The following PTPRG variants were observed in gnomAD, a reference collection of about 807,000 sequenced individuals.
PTPRG encodes receptor-type tyrosine-protein phosphatase gamma.
Under a neutral mutation model 165.3 loss-of-function variants are expected in PTPRG, and 102 were observed. That is an observed-to-expected ratio of 0.62 (90% confidence interval 0.53 to 0.73). The LOEUF is 0.73. PTPRG is among the 30% of genes least tolerant of loss of function. PTPRG has a pLI of 0.00. For synonymous variants in PTPRG, 675 were observed against 669.5 expected, an observed-to-expected ratio of 1.01 and a Z score of -0.13; for missense variants, 1,866 against 1,861.4, an observed-to-expected ratio of 1.00 and a Z score of -0.05.
intron 7 of PTPRG, among the ~76,000 whole-genome samples, chr3:62,157,461 G>T (rs1202175299): frequency 2.0e-5 from 3 of 152,174 alleles, no homozygotes; most frequent in Non-Finnish European, 4.4e-5. Flanking sequence ...CATGAAATCT[G>T]AGTATTGTTT....
rs542306888 is a variant in PTPRG, at chr3:62,069,684, T to TCTCTCTCTCACATACA, written c.520-8478_520-8477insTCTCTCTCACATACAC. ...CTCTCTCTCTCTCTCTCTCTCTCTCTCACACACAGACACACGCACACACAC... is the reference window on the plus strand; with the variant it reads ...CTCTCTCTCTCTCTCTCTCTCTCTCTCTCTCTCTCACATACACACACACAGACACACGCACACACAC... On this transcript the variant is annotated intron_variant, in intron 4 of 29. Coordinates refer to ENST00000474889, the MANE Select transcript of PTPRG (RefSeq NM_002841.4). Among the ~76,000 whole-genome samples, 63 of 145,060 alleles carry TCTCTCTCTCACATACA rather than the reference T, an allele frequency of 4.3e-4. 1 individual carries two copies. In the East Asian group the frequency reaches 0.012, roughly 27 times the overall value.
At chr3:61,666,151 A>C (rs1702807636) in intron 1 of PTPRG, among the ~76,000 whole-genome samples, 1 of 152,146 alleles carries the variant, frequency 6.6e-6, no homozygotes, top group South Asian at 2.1e-4. Flanking sequence ...GAGTGTAATA[A>C]ACTCCCAGAT....
intron 2 of PTPRG, chr3:61,749,627 T>A (rs2033352924): frequency 6.4e-6 from 1 of 155,048 alleles, no homozygotes; most frequent in South Asian, 2.0e-4. Flanking sequence ...GGATAGACTT[T>A]TCTGGATTAG....
intron 1 of PTPRG, among the ~76,000 whole-genome samples, chr3:61,670,685 A>T (rs558979074): frequency 1.1e-4 from 16 of 152,192 alleles, no homozygotes; most frequent in African/African-American, 3.9e-4. Flanking sequence ...AATCTCTCGC[A>T]GTCCCCCGGC....
intron 6 of PTPRG, among the ~76,000 whole-genome samples, chr3:62,143,554 CT>C (rs372744091): frequency 0.071 from 9,825 of 138,490 alleles, 826 homozygotes; most frequent in African/African-American, 0.21. Context: ...CATGAAGAAT[CT>C]TTTTTTTTTT....
chr3:61,940,773 C>T (rs1030971140), intron 2 of PTPRG, among the ~76,000 whole-genome samples: 13 of 152,036 alleles, frequency 8.6e-5, no homozygotes, highest in South Asian at 2.1e-4. Context: ...ATGCCATTCT[C>T]CTGCCTCAGC....
chr3:62,219,834 T>C lies in PTPRG; in HGVS notation c.2288+851T>C, dbSNP rs1700607500. ...AGTGAGTAAAACAGATAAGAATCCT[T>C]ACTGTCATGGAGCTTACAGTTTAGT... On this transcript the variant is annotated intron_variant, in intron 13 of 29. Transcript: ENST00000474889. The surrounding 1 kb of genome is among the most constrained non-coding windows in gnomAD (Gnocchi z 4.5). 6.6e-6 allele frequency among the ~76,000 whole-genome samples: 1 copy of C among 152,248 alleles called. No homozygotes were observed. The highest frequency in any genetic ancestry group is 1.5e-5 in the Non-Finnish European group (1 of 68,046).
intron 3 of PTPRG, among the ~76,000 whole-genome samples, chr3:61,993,186 C>G (rs531709991): frequency 6.6e-6 from 1 of 150,398 alleles, no homozygotes; most frequent in African/African-American, 2.4e-5. Flanking sequence ...TGTCACTGTA[C>G]TATAGTTTTT....
In PTPRG at chr3:62,224,978, G is replaced by A. The variant is rs1700727716; in HGVS notation, c.2288+5995G>A. ...TTTGGACAAGGGGCAGGGTTGTGAG[G>A]CAGATAATAAAAATAAAATCAACTA... is the stretch of plus-strand genomic sequence containing the variant. On this transcript the variant is annotated intron_variant, in intron 13 of 29. Transcript: ENST00000474889. This position sits in a 1 kb window ranked among gnomAD's most constrained non-coding sequence, Gnocchi z 4.9. Among the ~76,000 whole-genome samples, 1 of 152,156 alleles carries A rather than the reference G, an allele frequency of 6.6e-6. No individual in the cohort carries two copies.
At chr3:61,847,278 A>G (rs1159918933) in intron 2 of PTPRG, among the ~76,000 whole-genome samples, 1 of 152,142 alleles carries the variant, frequency 6.6e-6, no homozygotes, top group African/African-American at 2.4e-5. Flanking sequence ...TAAGGCATGG[A>G]TCAGGGCAAG....
intron 4 of PTPRG, among the ~76,000 whole-genome samples, chr3:62,026,818 G>A (rs1218306688): frequency 2.8e-5 from 4 of 144,256 alleles, no homozygotes; most frequent in South Asian, 2.2e-4. Flanking sequence ...CCCGGGAGGT[G>A]GAGGTTGCAG....
chr3:61,676,456 CAAAAAAAAAAAAAAAAAA>C (rs1703226161), intron 1 of PTPRG, among the ~76,000 whole-genome samples: 1 of 21,868 alleles, frequency 4.6e-5, no homozygotes, highest in South Asian at 1.8e-3. Context: ...GACTCCATCT[CAAAAAAAAAAAAAAAAAA>C]GAAAATTACT....
At chr3:61,987,751 T>C (rs1469582563) in intron 2 of PTPRG, among the ~76,000 whole-genome samples, 3 of 148,608 alleles carry the variant, frequency 2.0e-5, no homozygotes, top group East Asian at 1.9e-4. Context: ...ACAATCACTT[T>C]ATTTGGTTTT....
intron 2 of PTPRG, among the ~76,000 whole-genome samples, chr3:61,756,513 C>A: frequency 6.6e-6 from 1 of 152,068 alleles, no homozygotes; most frequent in East Asian, 1.9e-4. Flanking sequence ...TTGGGAATTG[C>A]CTCTCCAGTG....
intron 2 of PTPRG, among the ~76,000 whole-genome samples, chr3:61,822,905 C>T (rs1040872683): frequency 3.0e-4 from 45 of 152,246 alleles, no homozygotes; most frequent in Admixed American, 2.1e-3. Context: ...GAGACTGATT[C>T]GTTACATGGC....
intron 2 of PTPRG, among the ~76,000 whole-genome samples, chr3:61,982,072 G>T (rs1247298170): frequency 6.6e-6 from 1 of 151,986 alleles, no homozygotes; most frequent in Non-Finnish European, 1.5e-5. Context: ...TTAATCCTTG[G>T]ATGATTGTTT....
chr3:61,810,977 C>T (rs763093871), intron 2 of PTPRG, among the ~76,000 whole-genome samples: 3 of 152,146 alleles, frequency 2.0e-5, no homozygotes, highest in Admixed American at 6.5e-5. Context: ...GCAAGGCTGT[C>T]ACCAGGAGGG....
At position 62,245,638 on chromosome 3, in the gene PTPRG, G is replaced by T. The variant is rs77758433; in HGVS notation, c.2467+1740G>T. Among the ~76,000 whole-genome samples the T allele has an allele frequency of 0.012, 1,835 of 152,098 alleles. 19 individuals carry two copies. Among genetic ancestry groups the T allele is most frequent in the Non-Finnish European group, 0.016 (1,086 of 67,980 alleles). On this transcript the variant is annotated intron_variant, in intron 15 of 29. Transcript: ENST00000474889. The surrounding 1 kb of genome is among the most constrained non-coding windows in gnomAD (Gnocchi z 4.2). ...TTTCCAGAATCTGTAAATTAATTAGGATGCCTATTCTCCTTGCCTTTTGAG... is the reference window on the plus strand; with the variant it reads ...TTTCCAGAATCTGTAAATTAATTAGTATGCCTATTCTCCTTGCCTTTTGAG...
At chr3:61,982,686 T>C (rs995076412) in intron 2 of PTPRG, among the ~76,000 whole-genome samples, 1 of 152,088 alleles carries the variant, frequency 6.6e-6, no homozygotes, top group African/African-American at 2.4e-5. Flanking sequence ...TTTAATACCC[T>C]CCTTTTCCAG....
Sources: allele counts gnomAD v4.1 joint callset (sites outside exome capture counted in the v4.1 genomes callset), GRCh38; gene constraint gnomAD v4.1.1; non-coding constraint Gnocchi (gnomAD v3.1); transcripts MANE v1.5; gene names NCBI Gene and HGNC (gene_info 2026-07-23, HGNC 2026-07-21).